The following DNAJC6 variants were observed in gnomAD, a reference collection of about 807,000 sequenced individuals.
DNAJC6 encodes the protein DnaJ heat shock protein family (Hsp40) member C6, also known as auxilin.
In DNAJC6, 34 loss-of-function variants were observed where a neutral mutation model predicts 110.0. The ratio of observed to expected loss-of-function variants is 0.31; its 90% CI spans 0.24 to 0.41. The LOEUF (loss-of-function observed/expected upper bound fraction) is 0.41. Ranked by LOEUF, DNAJC6 falls within the 10% of genes least tolerant of loss-of-function variation. DNAJC6 has a pLI of 1.00. For missense variants in DNAJC6, 1,031 were observed against 1,207.8 expected (o/e 0.85, Z 2.17); for synonymous variants, 406 against 437.2 (o/e 0.93, Z 0.89).
At chr1:65,411,565 T>C in intron 18 of DNAJC6, 139 bp downstream of exon 18, 2 of 764,928 alleles carry the variant, frequency 2.6e-6, no homozygotes, top group Non-Finnish European at 4.1e-6. Flanking sequence ...ATCAGATATT[T>C]AAACAAATAG....
intron 7 of DNAJC6, 43 bp from the exon 8 acceptor site, chr1:65,386,769 G>A: frequency 6.6e-7 from 1 of 1,515,342 alleles, no homozygotes; most frequent in Non-Finnish European, 9.2e-7. Context: ...GATTGTACCA[G>A]ATTGGACTCT....
At chr1:65,409,534 G>A (rs982112312) in intron 17 of DNAJC6, among the ~76,000 whole-genome samples, 2 of 152,176 alleles carry the variant, frequency 1.3e-5, no homozygotes. Context: ...CTGGTAAGAA[G>A]AATGCATTAT....
chr1:65,379,271 G>A (rs1645795435), intron 4 of DNAJC6, 131 bp from the exon 5 acceptor site: 2 of 1,121,730 alleles, frequency 1.8e-6, no homozygotes, highest in Admixed American at 2.8e-5. Flanking sequence ...TTTGGACCCT[G>A]TTCCCACTAT....
intron 1 of DNAJC6, among the ~76,000 whole-genome samples, chr1:65,363,576 G>A (rs1645617849): frequency 6.6e-6 from 1 of 152,114 alleles, no homozygotes; most frequent in African/African-American, 2.4e-5. Context: ...TCAACCAGGG[G>A]TGATTTTGCC....
intron 1 of DNAJC6, among the ~76,000 whole-genome samples, chr1:65,291,794 T>G (rs2101230789): frequency 6.6e-6 from 1 of 152,288 alleles, no homozygotes; most frequent in Middle Eastern, 3.4e-3. Context: ...ATGAAAAGTT[T>G]GATAGAAAAG....
chr1:65,410,283 T>C (rs1570390297), intron 17 of DNAJC6, among the ~76,000 whole-genome samples: 1 of 152,320 alleles, frequency 6.6e-6, no homozygotes, highest in East Asian at 1.9e-4. Context: ...GTTGCAGATG[T>C]ATATAATATA....
At chr1:65,405,508 G>A (rs1446022032) in intron 15 of DNAJC6, among the ~76,000 whole-genome samples, 2 of 152,076 alleles carry the variant, frequency 1.3e-5, no homozygotes, top group African/African-American at 2.4e-5. Flanking sequence ...AAGATGGAAG[G>A]GTGGGGAAGG....
rs1645081073 is a variant in DNAJC6, at chr1:65,309,872, G to GGC, written c.127_128insGC (p.Ala43GlyfsTer42). On this transcript the variant is annotated frameshift_variant, in exon 1 of 19. Transcript: ENST00000371069. LOFTEE classifies it high-confidence loss of function. Reference sequence around the variant, plus strand: ...GGTTGGCGGCAAGCAGAGAGTGAACGCCGGGGCAGCGGCGCGGAGTCCCGC... The same window carrying GGC: ...GGTTGGCGGCAAGCAGAGAGTGAACGGCCCGGGGCAGCGGCGCGGAGTCCCGC... The GGC allele has an allele frequency of 3.2e-6, 5 of 1,547,038 alleles. No individual in the cohort carries two copies. The African/African-American group carries it at 6.9e-5, about 21-fold the overall frequency.
At chr1:65,381,043 C>T (rs565739526) in intron 5 of DNAJC6, among the ~76,000 whole-genome samples, 6 of 150,426 alleles carry the variant, frequency 4.0e-5, no homozygotes, top group South Asian at 2.1e-4. Flanking sequence ...CTCAGCCTCC[C>T]GAGTAGCTGG....
At chr1:65,327,344 C>T (rs747263293) in intron 1 of DNAJC6, among the ~76,000 whole-genome samples, 10 of 152,242 alleles carry the variant, frequency 6.6e-5, no homozygotes, top group East Asian at 3.9e-4. Context: ...AATAGTTACA[C>T]GGCTTCCCCA....
chr1:65,272,098 TA>T (rs1653525537), intron 1 of DNAJC6, among the ~76,000 whole-genome samples: 1 of 152,188 alleles, frequency 6.6e-6, no homozygotes, highest in East Asian at 1.9e-4. Context: ...TAATGTTGAA[TA>T]GAAGCAGTGA....
chr1:65,368,347 CA>C (rs375228751), intron 4 of DNAJC6, among the ~76,000 whole-genome samples: 138 of 134,774 alleles, frequency 1.0e-3, no homozygotes, highest in African/African-American at 4.2e-3. Context: ...CATCTTTTAC[CA>C]TTCTTCATTG....
intron 11 of DNAJC6, among the ~76,000 whole-genome samples, chr1:65,390,936 T>G (rs1297508874): frequency 6.6e-6 from 1 of 152,184 alleles, no homozygotes; most frequent in African/African-American, 2.4e-5. Context: ...CACTCTTTCC[T>G]CTCCACTGTC....
chr1:65,403,908 A>G (rs1336266224), intron 15 of DNAJC6, among the ~76,000 whole-genome samples: 1 of 152,182 alleles, frequency 6.6e-6, no homozygotes, highest in Non-Finnish European at 1.5e-5. Flanking sequence ...GAGGATGCTC[A>G]GTAGTGTTTC....
intron 1 of DNAJC6, among the ~76,000 whole-genome samples, chr1:65,286,249 T>C (rs1180848692): frequency 6.7e-6 from 1 of 149,174 alleles, no homozygotes; most frequent in Admixed American, 6.7e-5. Flanking sequence ...GTAGTTATCC[T>C]TTTTTTTTTC....
At chr1:65,361,875 T>A (rs1344243911) in intron 1 of DNAJC6, among the ~76,000 whole-genome samples, 1 of 152,218 alleles carries the variant, frequency 6.6e-6, no homozygotes, top group Non-Finnish European at 1.5e-5. Flanking sequence ...ATAGCCTACG[T>A]GTCCATCAGT....
chr1:65,409,993 C>T (rs887567868), intron 17 of DNAJC6, among the ~76,000 whole-genome samples: 2 of 151,864 alleles, frequency 1.3e-5, no homozygotes, highest in African/African-American at 4.8e-5. Context: ...CAGGCGGATG[C>T]GGATTAGCTG....
At chr1:65,412,841 G>T (rs1215748477) in intron 18 of DNAJC6, 83 bp from the exon 19 acceptor site, 32 of 1,111,614 alleles carry the variant, frequency 2.9e-5, no homozygotes, top group Non-Finnish European at 4.1e-5. Flanking sequence ...ATTGCTTAGA[G>T]CCCATATATT....
intron 15 of DNAJC6, among the ~76,000 whole-genome samples, chr1:65,405,640 T>G (rs535280168): frequency 6.6e-6 from 1 of 152,170 alleles, no homozygotes; most frequent in African/African-American, 2.4e-5. Context: ...TGACCTGCAG[T>G]TTGTTCATCT....
Sources: allele counts gnomAD v4.1 joint callset (sites outside exome capture counted in the v4.1 genomes callset), GRCh38; gene constraint gnomAD v4.1.1; transcripts MANE v1.5; gene names NCBI Gene and HGNC (gene_info 2026-07-23, HGNC 2026-07-21).